The following TULP4 variants were observed in gnomAD, a reference collection of about 807,000 sequenced individuals.
TULP4 encodes TUB like protein 4.
Under a neutral mutation model 129.0 loss-of-function variants are expected in TULP4, and 16 were observed. The ratio of observed to expected loss-of-function variants is 0.12; its 90% confidence interval spans 0.08 to 0.19. The LOEUF is 0.19. Ranked by LOEUF, TULP4 falls within the 10% of genes least tolerant of loss-of-function variation. The probability of loss-of-function intolerance (pLI) is 1.00; values close to 1 mark genes in which losing one functional copy is unlikely to be tolerated. For missense variants in TULP4, 1,842 were observed against 2,059.1 expected (o/e 0.89, Z 2.04); for synonymous variants, 998 against 854.0 (o/e 1.17, Z -2.94).
intron 1 of TULP4, among the ~76,000 whole-genome samples, chr6:158,258,861 A>G (rs1255645095): frequency 6.6e-6 from 1 of 152,176 alleles, no homozygotes; most frequent in Non-Finnish European, 1.5e-5. Context: ...GCTTAGAGAA[A>G]TTGTGGCCAA....
chr6:158,427,470 C>CTTTTTTT (rs1251385882), intron 2 of TULP4, among the ~76,000 whole-genome samples: 47 of 100,682 alleles, frequency 4.7e-4, no homozygotes, highest in Non-Finnish European at 6.6e-4. Flanking sequence ...AATTATCAGA[C>CTTTTTTT]CTTTTTTTTT....
intron 1 of TULP4, among the ~76,000 whole-genome samples, chr6:158,243,485 GC>G (rs1458580670): frequency 1.3e-5 from 2 of 150,758 alleles, no homozygotes; most frequent in African/African-American, 4.9e-5. Context: ...GAATTAAGAT[GC>G]AAATAAGGTC....
intron 6 of TULP4, among the ~76,000 whole-genome samples, chr6:158,463,501 TG>T (rs1583905874): frequency 6.6e-6 from 1 of 151,108 alleles, no homozygotes; most frequent in African/African-American, 2.4e-5. Context: ...TGTTGTAGGG[TG>T]GGGGTAGCGG....
chr6:158,294,941 G>C (rs949684731), intron 1 of TULP4, among the ~76,000 whole-genome samples: 3 of 152,076 alleles, frequency 2.0e-5, no homozygotes, highest in Non-Finnish European at 4.4e-5. Flanking sequence ...CAGGTCCTGG[G>C]CTCAAGTGAT....
chr6:158,240,145 C>T (rs1777844886), intron 1 of TULP4, among the ~76,000 whole-genome samples: 1 of 55,754 alleles, frequency 1.8e-5, no homozygotes, highest in African/African-American at 5.9e-5. Flanking sequence ...ACCTCCCAGA[C>T]GGGGCGGCTG....
At chr6:158,356,422 G>A (rs1397976668) in intron 1 of TULP4, among the ~76,000 whole-genome samples, 2 of 152,186 alleles carry the variant, frequency 1.3e-5, no homozygotes, top group Non-Finnish European at 2.9e-5. Flanking sequence ...CTGCAAAGAT[G>A]TCAAGATCAG....
chr6:158,279,865 T>C (rs1778718415), upstream of TULP4, among the ~76,000 whole-genome samples: 1 of 152,220 alleles, frequency 6.6e-6, no homozygotes, highest in South Asian at 2.1e-4. Context: ...ATTCAGCATG[T>C]GAACCTCTGC....
chr6:158,290,769 G>GT (rs11419017), intron 1 of TULP4, among the ~76,000 whole-genome samples: 73,021 of 151,912 alleles, frequency 0.48, 17,726 homozygotes, highest in East Asian at 0.54. Flanking sequence ...GGTCATCCTT[G>GT]TTTGATCAAA....
At position 158,494,736 on chromosome 6, in the gene TULP4, T is replaced by G; in HGVS notation, c.1777-17T>G. The stretch of plus-strand genomic sequence containing the variant: ...AATAGATTGTGATTCTTCTTTTTTC[T>G]TTTCTTCCTACCGCAGCACAACTAT... On this transcript the variant is annotated splice_polypyrimidine_tract_variant and intron_variant, in intron 10 of 13. Coordinates refer to ENST00000367097, the MANE Select transcript of TULP4 (RefSeq NM_020245.5). The G allele has an allele frequency of 8.7e-6, 14 of 1,601,846 alleles. No individual in the cohort carries two copies. Among genetic ancestry groups the G allele is most frequent in the Non-Finnish European group, 1.2e-5 (14 of 1,172,434 alleles).
chr6:158,502,601 A>G lies in TULP4; in HGVS notation c.2938A>G (p.Asn980Asp), dbSNP rs1171044844. 19 of 1,600,998 alleles carry G rather than the reference A, an allele frequency of 1.2e-5. No individual in the cohort carries two copies. The highest frequency in any genetic ancestry group is 1.6e-5 in the Non-Finnish European group (19 of 1,179,670). ...GCGGGGGGCTGCCCAGAGGTCCGAC[A>G]ATAGCCTCATCCACGCTACCCTGCG... is the stretch of plus-strand genomic sequence containing the variant. The part of the protein sequence containing the change: ...QGRGAAQRSD[N>D]SLIHATLRRN... The change falls in exon 13 of 14, where the codon AAT becomes GAT. Residue 980 changes from asparagine (N) to aspartate (D), a missense_variant. Coordinates refer to ENST00000367097, the MANE Select transcript of TULP4 (RefSeq NM_020245.5).
In TULP4 at chr6:158,502,366, C is replaced by T; in HGVS notation, c.2703C>T (p.Cys901=). The change falls in exon 13 of 14, where the codon TGC becomes TGT. Residue 901 remains cysteine, a synonymous_variant. Coordinates refer to ENST00000367097, the MANE Select transcript of TULP4 (RefSeq NM_020245.5). ...FDSSGNVEEV[C]RPRTRMLCSQ... ...GCAGTGGCAACGTGGAGGAGGTGTGCCGGCCCCGCACCCGGATGCTGTGCT... is the reference window on the plus strand; with the variant it reads ...GCAGTGGCAACGTGGAGGAGGTGTGTCGGCCCCGCACCCGGATGCTGTGCT... 1 of 1,613,830 alleles carries T rather than the reference C, an allele frequency of 6.2e-7. No individual in the cohort carries two copies. The highest frequency in any genetic ancestry group is 1.1e-5 in the South Asian group (1 of 91,066).
At chr6:158,485,098 A>T (rs753185582) in intron 8 of TULP4, among the ~76,000 whole-genome samples, 3 of 152,204 alleles carry the variant, frequency 2.0e-5, no homozygotes, top group Non-Finnish European at 4.4e-5. Context: ...ATGAAAGGTG[A>T]TCCTATAAAG....
At chr6:158,482,768 G>A (rs1035648270) in intron 8 of TULP4, among the ~76,000 whole-genome samples, 2 of 152,088 alleles carry the variant, frequency 1.3e-5, no homozygotes, top group Non-Finnish European at 2.9e-5. Context: ...GAGATTAAAT[G>A]TTGGCGATAA....
Position 158,313,869 on chromosome 6 carries a change from T to A in TULP4, c.-148T>A. The A allele has an allele frequency of 1.2e-6, 1 of 841,016 alleles. No homozygotes were observed. The highest frequency in any genetic ancestry group is 1.9e-5 in the South Asian group (1 of 52,914). The allele number at this position is 841,016 out of a possible 1,614,324, so 52.1% of individuals were successfully genotyped here. ...GGTGGATCTTTATAAAATACTGACCTTCTAATTAGATTCAGGTCAGTCTTA... is the reference window on the plus strand; with the variant it reads ...GGTGGATCTTTATAAAATACTGACCATCTAATTAGATTCAGGTCAGTCTTA... On this transcript the variant is annotated 5_prime_UTR_variant, in exon 1 of 14. Coordinates refer to ENST00000367097, the MANE Select transcript of TULP4 (RefSeq NM_020245.5).
intron 3 of TULP4, among the ~76,000 whole-genome samples, chr6:158,444,024 C>T (rs1022014321): frequency 6.6e-5 from 10 of 151,732 alleles, no homozygotes; most frequent in Non-Finnish European, 1.3e-4. Context: ...TTGAGACCAT[C>T]CTGGCTAACA....
intron 1 of TULP4, among the ~76,000 whole-genome samples, chr6:158,378,342 T>C (rs922254561): frequency 6.6e-6 from 1 of 152,132 alleles, no homozygotes; most frequent in Non-Finnish European, 1.5e-5. Flanking sequence ...TACCAAATTT[T>C]ATTATAATAA....
At chr6:158,308,916 G>A (rs1291443599), upstream of TULP4, among the ~76,000 whole-genome samples, 6 of 142,524 alleles carry the variant, frequency 4.2e-5, no homozygotes, top group Non-Finnish European at 6.2e-5. Context: ...CGGACGGGGC[G>A]GCTGGCCGGG....
At chr6:158,309,854 G>C (rs530696693), upstream of TULP4, among the ~76,000 whole-genome samples, 2 of 148,152 alleles carry the variant, frequency 1.3e-5, no homozygotes, top group East Asian at 4.0e-4. Flanking sequence ...GTCCAGCTTC[G>C]GCTTGGCATC....
In TULP4 at chr6:158,479,828, G is replaced by A. The variant is rs751749184; in HGVS notation, c.1104G>A (p.Val368=). Residue 368 remains valine (V), a synonymous_variant, in exon 7 of 14, where the codon GTG becomes GTA. Coordinates refer to ENST00000367097, the MANE Select transcript of TULP4 (RefSeq NM_020245.5). ...LMASGPALYV[V]RVEHRVSSLQ... ...CATCAGGACCAGCCCTGTACGTGGT[G>A]CGTGTGGAGCACCGGGTGTCCAGCC... 5.0e-6 allele frequency: 8 copies of A among 1,614,112 alleles called. No individual in the cohort carries two copies. Among genetic ancestry groups the A allele is most frequent in the South Asian group, 1.1e-5 (1 of 91,086 alleles).
Sources: allele counts gnomAD v4.1 joint callset (sites outside exome capture counted in the v4.1 genomes callset), GRCh38; gene constraint gnomAD v4.1.1; transcripts MANE v1.5; gene names NCBI Gene and HGNC (gene_info 2026-07-23, HGNC 2026-07-21).